Variants in JAK2 observed in about 807,000 individuals in gnomAD.
JAK2 encodes tyrosine-protein kinase JAK2.
JAK2 carries 86 observed loss-of-function variants against 139.3 expected under a neutral mutation model. The observed-to-expected ratio is 0.62, with a 90% CI of 0.52 to 0.74. The LOEUF (loss-of-function observed/expected upper bound fraction) is 0.74, where lower values mean the gene tolerates loss of function less well. Ranked by LOEUF, JAK2 falls within the 30% of genes least tolerant of loss-of-function variation. JAK2 has a pLI of 0.00. For missense variants in JAK2, 1,421 were observed against 1,360.3 expected (o/e 1.04, Z -0.70); for synonymous variants, 490 against 437.7 (o/e 1.12, Z -1.49).
chr9:5,115,122 C>G (rs1287494404), intron 22 of JAK2, among the ~76,000 whole-genome samples: 1 of 152,126 alleles, frequency 6.6e-6, no homozygotes, highest in Non-Finnish European at 1.5e-5. Context: ...TCAGAGTGAA[C>G]AGGCTACCTA....
At position 5,066,744 on chromosome 9, in the gene JAK2, C is replaced by G. The variant is rs759930872; in HGVS notation, c.1281C>G (p.Cys427Trp). ...AGACTGGACTGTATGTACTTCGATG[C>G]AGTCCTAAGGACTTTAATAAATATT... ...GNQTGLYVLR[C>W]SPKDFNKYFL... The change falls in exon 10 of 25, where the codon TGC becomes TGG. Residue 427 changes from cysteine (C) to tryptophan (W), a missense_variant. Coordinates refer to ENST00000381652, the MANE Select transcript of JAK2 (RefSeq NM_004972.4). 3 of 1,604,582 alleles carry G rather than the reference C, an allele frequency of 1.9e-6. No individual in the cohort carries two copies. The highest frequency in any genetic ancestry group is 2.6e-6 in the Non-Finnish European group (3 of 1,175,512).
chr9:5,087,024 A>G (rs1196893215), intron 19 of JAK2, among the ~76,000 whole-genome samples: 1 of 152,194 alleles, frequency 6.6e-6, no homozygotes, highest in Non-Finnish European at 1.5e-5. Context: ...TCCATCCCTC[A>G]AACACTAAAA....
At chr9:5,080,412 C>CT (rs1302452048) in intron 17 of JAK2, 32 bp downstream of exon 17, 3 of 1,570,618 alleles carry the variant, frequency 1.9e-6, no homozygotes, top group Non-Finnish European at 2.6e-6. Flanking sequence ...TAGAATTACT[C>CT]TATCTCTGAA....
intron 22 of JAK2, among the ~76,000 whole-genome samples, chr9:5,104,578 G>A (rs1312472806): frequency 2.6e-5 from 4 of 152,286 alleles, no homozygotes; most frequent in African/African-American, 4.8e-5. Context: ...GCATCAGCCC[G>A]ATACCAAAGC....
At chr9:5,057,135 A>G (rs1270629448) in intron 8 of JAK2, among the ~76,000 whole-genome samples, 2 of 152,000 alleles carry the variant, frequency 1.3e-5, no homozygotes, top group African/African-American at 2.4e-5. Flanking sequence ...TTTTTCAGTA[A>G]TTCTTGATCA....
At chr9:5,123,411 GTCTT>G (rs1158075719) in intron 23 of JAK2, among the ~76,000 whole-genome samples, 1 of 151,876 alleles carries the variant, frequency 6.6e-6, no homozygotes. Flanking sequence ...CGTGGTATTT[GTCTT>G]TCTATGGCTG....
chr9:5,064,904 A>C lies in JAK2; in HGVS notation c.1078A>C (p.Arg360=). 6.3e-7 allele frequency: 1 copy of C among 1,589,214 alleles called. No individual in the cohort carries two copies. The highest frequency in any genetic ancestry group is 8.6e-7 in the Non-Finnish European group (1 of 1,167,924). The change falls in exon 9 of 25, where the codon AGG becomes CGG. Residue 360 remains arginine, a synonymous_variant. Coordinates refer to ENST00000381652, the MANE Select transcript of JAK2 (RefSeq NM_004972.4). ...KNLEIELSSL[R]EALSFVSLID... is the part of the protein sequence containing the mutation. ...TTAGGAAATTGAACTTAGCTCATTAAGGGAAGCTTTGTCTTTCGTGTCATT... is the reference window on the plus strand; with the variant it reads ...TTAGGAAATTGAACTTAGCTCATTACGGGAAGCTTTGTCTTTCGTGTCATT...
chr9:5,103,220 GCAAAAAAAAA>G (rs1821662754), intron 22 of JAK2, among the ~76,000 whole-genome samples: 1 of 6,906 alleles, frequency 1.4e-4, no homozygotes, highest in African/African-American at 8.0e-4. Context: ...CAAAGGGAAA[GCAAAAAAAAA>G]AAAAAAAAAA....
intron 2 of JAK2, among the ~76,000 whole-genome samples, chr9:4,995,359 T>C (rs1563912718): frequency 1.3e-5 from 2 of 152,232 alleles, no homozygotes; most frequent in Non-Finnish European, 2.9e-5. Flanking sequence ...GTTGTGCATC[T>C]AGGTAGGTTC....
At position 5,086,084 on chromosome 9, in the gene JAK2, T is replaced by C. The variant is rs1310225860; in HGVS notation, c.2572-3590T>C. 1.2e-5 allele frequency: 8 copies of C among 640,754 alleles called. No individual in the cohort carries two copies. In the East Asian group the frequency reaches 2.5e-4, roughly 20 times the overall value. The allele number at this position is 640,754 out of a possible 1,614,324, so 39.7% of individuals were successfully genotyped here. A position where few individuals can be genotyped will look rare whatever the true frequency, so the allele number is the denominator to read the frequency against. On this transcript the variant is annotated intron_variant, in intron 19 of 24. Coordinates refer to ENST00000381652, the MANE Select transcript of JAK2 (RefSeq NM_004972.4). ...AATAGGGTATCTGAGACAAGTCAAGTCCCTTCTGCCTATGAGCCTGCGCGG... is the reference window on the plus strand; with the variant it reads ...AATAGGGTATCTGAGACAAGTCAAGCCCCTTCTGCCTATGAGCCTGCGCGG...
chr9:5,004,096 CTAAT>C (rs1420651797), intron 2 of JAK2, among the ~76,000 whole-genome samples: 1 of 152,100 alleles, frequency 6.6e-6, no homozygotes, highest in African/African-American at 2.4e-5. Context: ...CAAAATCAGT[CTAAT>C]TAACATATGT....
At position 5,080,648 on chromosome 9, in the gene JAK2, C is replaced by G. The variant is rs147029930; in HGVS notation, c.2399C>G (p.Ala800Gly). The change falls in exon 18 of 25, where the codon GCC becomes GGC. Residue 800 changes from alanine (A) to glycine (G), a missense_variant. Coordinates refer to ENST00000381652, the MANE Select transcript of JAK2 (RefSeq NM_004972.4). The part of the protein sequence containing the change: ...YEPDFRPSFR[A>G]IIRDLNSLFT... ...CCAGATTTCAGGCCTTCTTTCAGAGCCATCATACGAGATCTTAACAGTTTG... is the reference window on the plus strand; with the variant it reads ...CCAGATTTCAGGCCTTCTTTCAGAGGCATCATACGAGATCTTAACAGTTTG... 6.3e-7 allele frequency: 1 copy of G among 1,596,466 alleles called. No individual in the cohort carries two copies. The highest frequency in any genetic ancestry group is 8.5e-7 in the Non-Finnish European group (1 of 1,174,334).
chr9:5,057,426 A>G (rs1479329293), intron 8 of JAK2, among the ~76,000 whole-genome samples: 1 of 152,012 alleles, frequency 6.6e-6, no homozygotes, highest in African/African-American at 2.4e-5. Context: ...CATCTTAACC[A>G]TTTTTAAGTG....
intron 14 of JAK2, among the ~76,000 whole-genome samples, chr9:5,076,933 T>C (rs1819343986): frequency 6.9e-6 from 1 of 145,046 alleles, no homozygotes; most frequent in Admixed American, 7.0e-5. Flanking sequence ...AAATATGTTT[T>C]ATATATTTTT....
intron 22 of JAK2, chr9:5,091,127 T>C (rs2130685201): frequency 2.6e-6 from 1 of 385,650 alleles, no homozygotes; most frequent in East Asian, 4.5e-5. Flanking sequence ...AGTGTTGTCT[T>C]ATTTATAGGG....
At chr9:5,112,809 T>C in intron 22 of JAK2, 2 of 542,872 alleles carry the variant, frequency 3.7e-6, no homozygotes, top group Non-Finnish European at 3.0e-6. Context: ...GCTGCCCACC[T>C]GGGCTTGAGT....
Position 5,050,715 on chromosome 9 carries a change from A to G in JAK2, c.498A>G (p.Ile166Met), listed in dbSNP as rs1367539459. 3 of 1,613,824 alleles carry G rather than the reference A, an allele frequency of 1.9e-6. No homozygotes were observed. The highest frequency in any genetic ancestry group is 1.7e-6 in the Non-Finnish European group (2 of 1,179,792). ...QWRHDFVHGW[I>M]KVPVTHETQE... ...GGCATGATTTTGTGCACGGATGGAT[A>G]AAAGTACCTGTGACTCATGAAACAC... Residue 166 changes from isoleucine to methionine, a missense_variant, in exon 6 of 25, where the codon ATA (isoleucine) becomes ATG (methionine). Ile to Met is a conservative substitution (Grantham distance 10, BLOSUM62 1). Coordinates refer to ENST00000381652, the MANE Select transcript of JAK2 (RefSeq NM_004972.4).
At chr9:5,125,264 A>G (rs1823900447) in intron 23 of JAK2, among the ~76,000 whole-genome samples, 1 of 151,004 alleles carries the variant, frequency 6.6e-6, no homozygotes. Context: ...ATATAAATAT[A>G]TATTATTTTA....
chr9:5,112,019 AG>A, intron 22 of JAK2: 1 of 402,822 alleles, frequency 2.5e-6, no homozygotes. Flanking sequence ...AGCCTGGAGC[AG>A]GAGTCCCTGG....
Sources: allele counts gnomAD v4.1 joint callset (sites outside exome capture counted in the v4.1 genomes callset), GRCh38; gene constraint gnomAD v4.1.1; transcripts MANE v1.5; gene names NCBI Gene and HGNC (gene_info 2026-07-23, HGNC 2026-07-21).